Variants in CCDC110 observed in about 807,000 individuals in gnomAD.
CCDC110 encodes coiled-coil domain-containing protein 110.
Under a neutral mutation model 77.1 loss-of-function variants are expected in CCDC110, and 70 were observed. That is an observed-to-expected ratio of 0.91 (90% CI 0.75 to 1.11). The LOEUF is 1.11. CCDC110 is among the 50% of genes least tolerant of loss of function. The pLI is 0.00. For synonymous variants in CCDC110, 295 were observed against 312.5 expected, an observed-to-expected ratio of 0.94 and a Z score of 0.59; for missense variants, 868 against 942.9, an observed-to-expected ratio of 0.92 and a Z score of 1.04.
At chr4:185,448,330 G>T (rs1281981054) in intron 6 of CCDC110, among the ~76,000 whole-genome samples, 2 of 152,096 alleles carry the variant, frequency 1.3e-5, no homozygotes, top group African/African-American at 4.8e-5. Context: ...CACTGCGCCC[G>T]GTCAGAAATA....
intron 6 of CCDC110, among the ~76,000 whole-genome samples, chr4:185,445,890 G>A (rs957741625): frequency 2.0e-5 from 3 of 152,142 alleles, no homozygotes; most frequent in African/African-American, 7.2e-5. Context: ...TGCCCAGGCT[G>A]GGGTACAATG....
chr4:185,466,430 C>T (rs1295136264), intron 2 of CCDC110, among the ~76,000 whole-genome samples: 1 of 152,018 alleles, frequency 6.6e-6, no homozygotes. Context: ...TGCAGAAGGA[C>T]ATGCATAGAA....
chr4:185,459,041 T>G lies in CCDC110; in HGVS notation c.1546A>C (p.Asn516His). ...KEFKKIISKY[N>H]VLQGQNKTLE... is the part of the protein sequence containing the mutation. The stretch of plus-strand genomic sequence containing the variant: ...GTTTTATTTTGGCCTTGCAGAACAT[T>G]ATATTTACTAATTATTTTTTTAAAT... Residue 516 changes from asparagine (N) to histidine (H), a missense_variant, in exon 6 of 7, where the codon AAT becomes CAT. Physicochemically the swap from Asn to His is moderately conservative, Grantham distance 68. Transcript: ENST00000307588. The G allele has an allele frequency of 6.4e-7, 1 of 1,572,358 alleles. No homozygotes were observed. Among genetic ancestry groups the G allele is most frequent in the Middle Eastern group, 1.8e-4 (1 of 5,578 alleles).
chr4:185,449,775 A>C (rs2095625988), intron 6 of CCDC110: 1 of 538,032 alleles, frequency 1.9e-6, no homozygotes, highest in East Asian at 3.3e-5. Context: ...TGCAACTCTA[A>C]TTCTCTTCCT....
intron 2 of CCDC110, among the ~76,000 whole-genome samples, chr4:185,463,272 C>T (rs995139029): frequency 4.6e-5 from 7 of 152,134 alleles, no homozygotes; most frequent in African/African-American, 9.6e-5. Context: ...TAGAGTACAC[C>T]GTTAATTTGC....
chr4:185,447,870 G>A (rs2095618702), intron 6 of CCDC110, among the ~76,000 whole-genome samples: 3 of 152,166 alleles, frequency 2.0e-5, no homozygotes, highest in Non-Finnish European at 2.9e-5. Flanking sequence ...AATCACTAAT[G>A]TATGAGATGC....
At chr4:185,446,356 T>G (rs2095611261) in intron 6 of CCDC110, among the ~76,000 whole-genome samples, 1 of 152,220 alleles carries the variant, frequency 6.6e-6, no homozygotes, top group Admixed American at 6.5e-5. Flanking sequence ...CTTAAAACTT[T>G]GATAATTTGG....
At chr4:185,461,836 G>A (rs566985016) in intron 4 of CCDC110, among the ~76,000 whole-genome samples, 7 of 152,206 alleles carry the variant, frequency 4.6e-5, no homozygotes, top group Non-Finnish European at 8.8e-5. Context: ...GGTGGCTCAC[G>A]CCTGTAATCC....
chr4:185,462,671 C>G lies in CCDC110; in HGVS notation c.209G>C (p.Arg70Pro), dbSNP rs1033592210. ...GCTGACATTCTGCAAAGTCTGCATTCGCAAAGCCTGAAATGATTCCAACTG... is the reference window on the plus strand; with the variant it reads ...GCTGACATTCTGCAAAGTCTGCATTGGCAAAGCCTGAAATGATTCCAACTG... ...QQQLESFQAL[R>P]MQTLQNVSMV... Residue 70 changes from arginine to proline, a missense_variant, in exon 4 of 7, where the codon CGA becomes CCA. Arg to Pro is a moderately radical substitution (Grantham distance 103). Transcript: ENST00000307588. The G allele has an allele frequency of 5.0e-6, 8 of 1,613,914 alleles. No individual in the cohort carries two copies. Among genetic ancestry groups the G allele is most frequent in the Non-Finnish European group, 6.8e-6 (8 of 1,179,820 alleles).
Position 185,458,234 on chromosome 4 carries a change from G to T in CCDC110, c.2353C>A (p.Pro785Thr). 6.2e-7 allele frequency: 1 copy of T among 1,604,266 alleles called. No individual in the cohort carries two copies. The highest frequency in any genetic ancestry group is 8.5e-7 in the Non-Finnish European group (1 of 1,177,164). The change falls in exon 6 of 7, where the codon CCT becomes ACT. Residue 785 changes from proline to threonine, a missense_variant. By Grantham distance (38) the Pro-to-Thr change is conservative. Transcript: ENST00000307588. ...SDKICNQHND[P>T]SKTTYISRRE... ...CTTGAAATGTAAGTTGTTTTTGAAG[G>T]GTCATTATGCTGATTACAAATTTTA...
intron 6 of CCDC110, among the ~76,000 whole-genome samples, chr4:185,447,454 A>C (rs1272683812): frequency 6.6e-6 from 1 of 152,236 alleles, no homozygotes; most frequent in East Asian, 1.9e-4. Context: ...TGCTGGGATT[A>C]CAGGCTTGAT....
intron 6 of CCDC110, among the ~76,000 whole-genome samples, chr4:185,456,842 ATATT>A (rs138894137): frequency 0.17 from 25,690 of 152,038 alleles, 2,399 homozygotes; most frequent in African/African-American, 0.27. Flanking sequence ...ACATATTTAA[ATATT>A]TAAGGAAGGA....
chr4:185,445,781 A>G (rs1452171591), intron 6 of CCDC110, among the ~76,000 whole-genome samples: 1 of 152,228 alleles, frequency 6.6e-6, no homozygotes, highest in East Asian at 1.9e-4. Context: ...GACAGCAATT[A>G]TAATACTAAC....
intron 2 of CCDC110, among the ~76,000 whole-genome samples, chr4:185,467,932 C>T (rs572839703): frequency 3.1e-4 from 47 of 152,316 alleles, no homozygotes; most frequent in Admixed American, 1.6e-3. Context: ...GCACACCCGG[C>T]TAATTTTTGT....
rs748644372 is a variant in CCDC110 at position 185,458,267 on chromosome 4, A to G, written c.2320T>C (p.Leu774=). Residue 774 remains leucine, a synonymous_variant, in exon 6 of 7, where the codon TTA becomes CTA. Transcript: ENST00000307588. The stretch of plus-strand genomic sequence containing the variant: ...TGCTGATTACAAATTTTATCACTTA[A>G]ACTTAAATATTCTCGTTGAAGATGC... ...MRHLQREYLS[L]SDKICNQHND... is the part of the protein sequence containing the mutation. The G allele has an allele frequency of 6.2e-7, 1 of 1,600,774 alleles. No homozygotes were observed. The highest frequency in any genetic ancestry group is 8.5e-7 in the Non-Finnish European group (1 of 1,176,750).
intron 6 of CCDC110, chr4:185,449,521 T>C: frequency 1.1e-6 from 1 of 912,498 alleles, no homozygotes; most frequent in Non-Finnish European, 1.6e-6. Flanking sequence ...AGACCCGGTC[T>C]TAAAAAAAAA....
chr4:185,466,772 T>C (rs994695519), intron 2 of CCDC110, among the ~76,000 whole-genome samples: 5 of 151,902 alleles, frequency 3.3e-5, no homozygotes, highest in Non-Finnish European at 5.9e-5. Context: ...CCACAGGACA[T>C]TCTAACATGC....
At position 185,469,475 on chromosome 4, in the gene CCDC110, T is replaced by TAA. The variant is rs146178831; in HGVS notation, c.115+1469_115+1470insTT. ...TCCAGAACCCTAAGCCTCATTCATGTCAAAAAACATGTGATCTTGCCAAAT... is the reference window on the plus strand; with the variant it reads ...TCCAGAACCCTAAGCCTCATTCATGTAACAAAAAACATGTGATCTTGCCAAAT... On this transcript the variant is annotated intron_variant, in intron 2 of 6. Coordinates refer to ENST00000307588, the MANE Select transcript of CCDC110 (RefSeq NM_152775.4). Among the ~76,000 whole-genome samples the TAA allele has an allele frequency of 7.9e-5, 12 of 152,162 alleles. No individual in the cohort carries two copies. In the East Asian group the frequency reaches 1.2e-3, roughly 15 times the overall value.
In CCDC110 at chr4:185,471,726, G is replaced by A. The variant is rs748204364; in HGVS notation, c.-43C>T. The A allele has an allele frequency of 3.3e-6, 5 of 1,515,440 alleles. No homozygotes were observed. In the South Asian group the frequency reaches 3.8e-5, roughly 11 times the overall value. 93.9% of individuals were successfully genotyped at this position (1,515,440 alleles called of 1,614,324 possible). A position where few individuals can be genotyped will look rare whatever the true frequency, so the allele number is the denominator to read the frequency against. ...CTCGCAACCGCCGCCGCACGCACCC[G>A]CTCCGCCGCCCCGCGCAGGGCATCC... On this transcript the variant is annotated 5_prime_UTR_variant, in exon 1 of 7. Transcript: ENST00000307588.
Sources: gnomAD v4.1 joint callset for allele counts (sites outside exome capture counted in the v4.1 genomes callset) on GRCh38, gnomAD v4.1.1 for gene constraint, MANE v1.5 for transcripts, NCBI Gene and HGNC (gene_info 2026-07-23, HGNC 2026-07-21) for gene names.